GNA14: variants seen among roughly 807,000 people sequenced by gnomAD.
GNA14 encodes the protein guanine nucleotide-binding protein subunit alpha-14.
A neutral mutation model predicts 42.0 loss-of-function variants in GNA14; 50 were observed. The ratio of observed to expected loss-of-function variants is 1.19; its 90% CI spans 0.95 to 1.51. The LOEUF (loss-of-function observed/expected upper bound fraction) is 1.51. GNA14 is among the 40% of genes most tolerant of loss of function. GNA14 has a pLI of 0.00. For synonymous variants in GNA14, 173 were observed against 163.1 expected (o/e 1.06, Z -0.46); for missense variants, 473 against 446.2 (o/e 1.06, Z -0.54).
At chr9:77,468,956 T>C (rs926545133) in intron 2 of GNA14, among the ~76,000 whole-genome samples, 1 of 152,210 alleles carries the variant, frequency 6.6e-6, no homozygotes, top group Non-Finnish European at 1.5e-5. Context: ...TCTCAACACA[T>C]GCAGCACATT....
intron 6 of GNA14, among the ~76,000 whole-genome samples, chr9:77,424,890 A>G (rs1291042868): frequency 6.6e-6 from 1 of 152,140 alleles, no homozygotes; most frequent in East Asian, 1.9e-4. Context: ...TAAAAGGGGA[A>G]AGAAGAGTGC....
chr9:77,641,773 T>A (rs1824271243), intron 1 of GNA14, among the ~76,000 whole-genome samples: 1 of 152,130 alleles, frequency 6.6e-6, no homozygotes, highest in South Asian at 2.1e-4. Context: ...AACTGGGATA[T>A]GGATAATAGA....
intron 2 of GNA14, among the ~76,000 whole-genome samples, chr9:77,518,780 G>A (rs989113704): frequency 1.3e-5 from 2 of 152,018 alleles, no homozygotes; most frequent in African/African-American, 4.8e-5. Context: ...TTCCTAACCA[G>A]GTCATATAAA....
chr9:77,545,461 T>A (rs1253303290), intron 1 of GNA14, among the ~76,000 whole-genome samples: 1 of 152,246 alleles, frequency 6.6e-6, no homozygotes, highest in Non-Finnish European at 1.5e-5. Flanking sequence ...AGGTATACAT[T>A]ATTTTTTAGC....
chr9:77,532,003 T>TA (rs1161351010), intron 1 of GNA14, among the ~76,000 whole-genome samples: 3 of 151,902 alleles, frequency 2.0e-5, no homozygotes, highest in Admixed American at 1.3e-4. Flanking sequence ...GAGGGCAGAG[T>TA]AAAGGCAAAG....
intron 1 of GNA14, among the ~76,000 whole-genome samples, chr9:77,644,164 C>T (rs1452411051): frequency 4.6e-5 from 7 of 152,070 alleles, no homozygotes; most frequent in Non-Finnish European, 7.4e-5. Context: ...GAACTGGTAT[C>T]CTTATAAGAA....
intron 2 of GNA14, among the ~76,000 whole-genome samples, chr9:77,474,273 T>A (rs962478955): frequency 5.3e-5 from 8 of 152,358 alleles, no homozygotes; most frequent in African/African-American, 1.9e-4. Flanking sequence ...AAGGGACTTC[T>A]ATTCAGAATG....
At chr9:77,567,464 T>C (rs940493356) in intron 1 of GNA14, among the ~76,000 whole-genome samples, 3 of 152,244 alleles carry the variant, frequency 2.0e-5, no homozygotes, top group Non-Finnish European at 2.9e-5. Context: ...GTATGCAGTA[T>C]AGCAGGCAAA....
intron 4 of GNA14, 144 bp from the exon 5 acceptor site, chr9:77,429,180 G>A: frequency 1.4e-6 from 1 of 731,566 alleles, no homozygotes; most frequent in Non-Finnish European, 2.3e-6. Context: ...GTTTTAAAAT[G>A]TTTGATGCTG....
At chr9:77,469,385 AAAAG>A in intron 2 of GNA14, among the ~76,000 whole-genome samples, 1 of 151,404 alleles carries the variant, frequency 6.6e-6, no homozygotes, top group Non-Finnish European at 1.5e-5. Flanking sequence ...AAAAAAAAAA[AAAAG>A]AACTTTCCAG....
intron 1 of GNA14, among the ~76,000 whole-genome samples, chr9:77,641,113 GAAGGAA>G (rs1824259405): frequency 2.5e-4 from 3 of 12,060 alleles, no homozygotes; most frequent in Non-Finnish European, 5.4e-4. Flanking sequence ...AGGAAGGAAG[GAAGGAA>G]GGAAGGAAGG....
chr9:77,623,105 C>T (rs1234158698), intron 1 of GNA14, among the ~76,000 whole-genome samples: 4 of 149,750 alleles, frequency 2.7e-5, no homozygotes, highest in Admixed American at 6.7e-5. Context: ...GTTCCAGCTA[C>T]TCAGGAGGCT....
At chr9:77,483,053 C>G (rs12348848) in intron 2 of GNA14, among the ~76,000 whole-genome samples, 1 of 152,194 alleles carries the variant, frequency 6.6e-6, no homozygotes, top group Non-Finnish European at 1.5e-5. Context: ...CTTCTCTCAA[C>G]TCATCAAAGT....
At chr9:77,541,840 G>T (rs116077057) in intron 1 of GNA14, among the ~76,000 whole-genome samples, 6 of 151,856 alleles carry the variant, frequency 4.0e-5, no homozygotes, top group African/African-American at 1.5e-4. Context: ...GCTTTCAAAC[G>T]TATTTCATAT....
chr9:77,447,514 C>T (rs554601200), intron 2 of GNA14, among the ~76,000 whole-genome samples: 26 of 152,270 alleles, frequency 1.7e-4, no homozygotes, highest in African/African-American at 6.0e-4. Flanking sequence ...CAGATCTGAG[C>T]CCAGACATGG....
chr9:77,587,145 A>G (rs930097341), intron 1 of GNA14, among the ~76,000 whole-genome samples: 8 of 152,086 alleles, frequency 5.3e-5, no homozygotes, highest in African/African-American at 1.7e-4. Context: ...GAAAAGAACA[A>G]GTGTTGATGA....
intron 2 of GNA14, among the ~76,000 whole-genome samples, chr9:77,438,938 T>G (rs1437895070): frequency 6.6e-6 from 1 of 152,240 alleles, no homozygotes; most frequent in Non-Finnish European, 1.5e-5. Context: ...TATTCATTAT[T>G]AAAAATTACT....
chr9:77,485,397 T>C (rs1836640480), intron 2 of GNA14, among the ~76,000 whole-genome samples: 1 of 152,204 alleles, frequency 6.6e-6, no homozygotes, highest in South Asian at 2.1e-4. Context: ...CTACCACATC[T>C]GTAATTACTT....
intron 1 of GNA14, among the ~76,000 whole-genome samples, chr9:77,586,389 A>G (rs2117873713): frequency 6.6e-6 from 1 of 152,348 alleles, no homozygotes; most frequent in South Asian, 2.1e-4. Context: ...CAAGCATATG[A>G]AAAAATGCTT....
Sources: gnomAD v4.1 joint callset for allele counts (sites outside exome capture counted in the v4.1 genomes callset) on GRCh38, gnomAD v4.1.1 for gene constraint, MANE v1.5 for transcripts, NCBI Gene and HGNC (gene_info 2026-07-23, HGNC 2026-07-21) for gene names.